Variants in FPR3 observed in about 807,000 individuals in gnomAD.
FPR3 encodes formyl peptide receptor 3.
For synonymous variants in FPR3, 135 were observed against 163.6 expected, an observed-to-expected ratio of 0.83 and a Z score of 1.34; for missense variants, 346 against 443.2, an observed-to-expected ratio of 0.78 and a Z score of 1.97.
chr19:51,801,574 A>AG (rs1450658472), intron 1 of FPR3, among the ~76,000 whole-genome samples: 2 of 152,208 alleles, frequency 1.3e-5, no homozygotes, highest in African/African-American at 4.8e-5. Flanking sequence ...TGAGGTCAAG[A>AG]GTTCGAGATC....
intron 1 of FPR3, among the ~76,000 whole-genome samples, chr19:51,821,479 C>T (rs536678008): frequency 2.6e-4 from 39 of 152,240 alleles, no homozygotes; most frequent in Non-Finnish European, 4.9e-4. Flanking sequence ...TCCCCCACAA[C>T]AAAGAATTAC....
At chr19:51,823,328 C>T (rs2084204493) in intron 1 of FPR3, among the ~76,000 whole-genome samples, 1 of 151,992 alleles carries the variant, frequency 6.6e-6, no homozygotes, top group Non-Finnish European at 1.5e-5. Flanking sequence ...AGCATGGGGC[C>T]GAAAGAAGTT....
intron 1 of FPR3, among the ~76,000 whole-genome samples, chr19:51,800,581 C>A (rs1345700912): frequency 6.6e-6 from 1 of 152,064 alleles, no homozygotes; most frequent in African/African-American, 2.4e-5. Flanking sequence ...GTTCCTTGGG[C>A]CTTTGCCCGG....
In FPR3 at chr19:51,802,568, C is replaced by A. The variant is rs149986251; in HGVS notation, c.-11+7237C>A. 5.0e-4 allele frequency among the ~76,000 whole-genome samples: 76 copies of A among 152,038 alleles called. 3 individuals carry two copies. The East Asian group carries it at 0.01, about 20-fold the overall frequency. ...CTAATTTCTGGACCTCAGCCTGTAC[C>A]CTGGGGTAAGTGGAAGTGGAAAAAA... On this transcript the variant is annotated intron_variant, in intron 1 of 1. Transcript: ENST00000339223.
At chr19:51,813,259 T>C (rs1428957441) in intron 1 of FPR3, among the ~76,000 whole-genome samples, 3 of 151,884 alleles carry the variant, frequency 2.0e-5, no homozygotes, top group African/African-American at 4.8e-5. Context: ...TCACAGACAG[T>C]GCTTTCTATG....
At chr19:51,797,877 C>CTTTTATTTTTTTTTTT (rs2084008836) in intron 1 of FPR3, among the ~76,000 whole-genome samples, 1 of 71,518 alleles carries the variant, frequency 1.4e-5, no homozygotes, top group Non-Finnish European at 2.4e-5. Context: ...CATGTCTATT[C>CTTTTATTTTTTTTTTT]TTTTTTTTTT....
At position 51,824,008 on chromosome 19, in the gene FPR3, T is replaced by A; in HGVS notation, c.260T>A (p.Met87Lys). 1 of 1,614,136 alleles carries A rather than the reference T, an allele frequency of 6.2e-7. No individual in the cohort carries two copies. The highest frequency in any genetic ancestry group is 1.1e-5 in the South Asian group (1 of 91,072). ...CCATTCCGAATGGTCTCAGTCGCCA[T>A]GAGAGAAAAATGGCCTTTTGGCTCA... ...ILPFRMVSVA[M>K]REKWPFGSFL... The change falls in exon 2 of 2, where the codon ATG becomes AAG. Residue 87 changes from methionine to lysine, a missense_variant. Coordinates refer to ENST00000339223, the MANE Select transcript of FPR3 (RefSeq NM_002030.5). The surrounding 1 kb of genome is among the most constrained non-coding windows in gnomAD (Gnocchi z 4.7).
intron 1 of FPR3, among the ~76,000 whole-genome samples, chr19:51,823,441 C>T (rs1481584141): frequency 6.6e-6 from 1 of 152,162 alleles, no homozygotes; most frequent in Admixed American, 6.5e-5. Context: ...GCTGCCTATG[C>T]TCAATTTTCC....
intron 1 of FPR3, chr19:51,804,918 G>C (rs1418566038): frequency 6.6e-6 from 1 of 152,300 alleles, no homozygotes; most frequent in Non-Finnish European, 1.5e-5. Context: ...GAGAAGGGGG[G>C]TGGAAGAAGA....
intron 1 of FPR3, among the ~76,000 whole-genome samples, chr19:51,814,458 A>C (rs1031532796): frequency 2.0e-5 from 3 of 151,722 alleles, no homozygotes; most frequent in African/African-American, 7.3e-5. Flanking sequence ...TCTCTCATGC[A>C]TCTGCCTCAC....
rs1355574530 is a variant in FPR3, at chr19:51,824,471, T to A, written c.723T>A (p.Arg241=). ...TGATTAAATCCAGCCGTCCCTTACG[T>A]GTCTTCGCTGCTGTGGTGGCTTCTT... The part of the protein sequence containing the change: ...NHMIKSSRPL[R]VFAAVVASFF... Residue 241 remains arginine (R), a synonymous_variant, in exon 2 of 2, where the codon CGT becomes CGA. Coordinates refer to ENST00000339223, the MANE Select transcript of FPR3 (RefSeq NM_002030.5). This position sits in a 1 kb window ranked among gnomAD's most constrained non-coding sequence, Gnocchi z 4.7. 1 of 1,614,100 alleles carries A rather than the reference T, an allele frequency of 6.2e-7. No individual in the cohort carries two copies. The highest frequency in any genetic ancestry group is 1.1e-5 in the South Asian group (1 of 91,086).
At chr19:51,812,577 C>T (rs1457558937) in intron 1 of FPR3, among the ~76,000 whole-genome samples, 1 of 152,224 alleles carries the variant, frequency 6.6e-6, no homozygotes, top group Non-Finnish European at 1.5e-5. Flanking sequence ...GTTGCCTCCA[C>T]CTCTGAAGAA....
At chr19:51,817,894 AT>A (rs1337001125) in intron 1 of FPR3, 1 of 152,180 alleles carries the variant, frequency 6.6e-6, no homozygotes, top group African/African-American at 2.4e-5. Flanking sequence ...TATGACAGAC[AT>A]TTCCTAAACT....
chr19:51,798,908 G>A (rs952613094), intron 1 of FPR3, among the ~76,000 whole-genome samples: 4 of 151,948 alleles, frequency 2.6e-5, no homozygotes, highest in African/African-American at 9.7e-5. Context: ...GGAGGCCGAG[G>A]AGTTCGAGAC....
At chr19:51,823,664 C>A in intron 1 of FPR3, 75 bp from the exon 2 acceptor site, 4 of 1,128,250 alleles carry the variant, frequency 3.5e-6, no homozygotes, top group Non-Finnish European at 5.0e-6. Flanking sequence ...GGAGGAGCTA[C>A]AGTGGAAGTT....
chr19:51,801,628 G>T (rs1157350228), intron 1 of FPR3, among the ~76,000 whole-genome samples: 1 of 152,138 alleles, frequency 6.6e-6, no homozygotes, highest in African/African-American at 2.4e-5. Flanking sequence ...TAAAAGTACA[G>T]AAATTAACCG....
rs145146957 is a variant in FPR3, at chr19:51,802,575, T to A, written c.-11+7244T>A. ...CTGGACCTCAGCCTGTACCCTGGGG[T>A]AAGTGGAAGTGGAAAAAAACTACAA... On this transcript the variant is annotated intron_variant, in intron 1 of 1. Coordinates refer to ENST00000339223, the MANE Select transcript of FPR3 (RefSeq NM_002030.5). Among the ~76,000 whole-genome samples, 549 of 152,174 alleles carry A rather than the reference T, an allele frequency of 3.6e-3. 5 individuals are homozygous for A. Among genetic ancestry groups the A allele is most frequent in the African/African-American group, 0.013 (524 of 41,528 alleles).
intron 1 of FPR3, among the ~76,000 whole-genome samples, chr19:51,806,308 C>T (rs1436807388): frequency 6.6e-6 from 1 of 152,198 alleles, no homozygotes; most frequent in African/African-American, 2.4e-5. Context: ...CTCCTGTAAA[C>T]ACACAAGCAT....
intron 1 of FPR3, chr19:51,811,617 C>A (rs10410366): frequency 0.31 from 47,881 of 152,022 alleles, 7,785 homozygotes; most frequent in Middle Eastern, 0.39. Context: ...CTTGTAGAGC[C>A]CCTGATTCTG....
Sources: allele counts gnomAD v4.1 joint callset (sites outside exome capture counted in the v4.1 genomes callset), GRCh38; gene constraint gnomAD v4.1.1; non-coding constraint Gnocchi (gnomAD v3.1); transcripts MANE v1.5; gene names NCBI Gene and HGNC (gene_info 2026-07-23, HGNC 2026-07-21).